Variants in NR2C2 observed in about 807,000 individuals in gnomAD.
NR2C2 encodes nuclear receptor subfamily 2 group C member 2.
NR2C2 carries 6 observed loss-of-function variants against 62.9 expected under a neutral mutation model. That is an observed-to-expected ratio of 0.10 (90% CI 0.05 to 0.19). NR2C2 has a LOEUF of 0.19. Among genes scored for constraint, NR2C2 ranks in the 10% least tolerant of loss-of-function variants. The pLI is 1.00. For missense variants in NR2C2, 479 were observed against 762.7 expected (o/e 0.63, Z 4.38); for synonymous variants, 272 against 273.8 (o/e 0.99, Z 0.07).
Position 15,030,351 on chromosome 3 carries a change from A to T in NR2C2, c.1009A>T (p.Thr337Ser). The change falls in exon 9 of 14, where the codon ACC (threonine) becomes TCC (serine). Residue 337 changes from threonine to serine, a missense_variant. Physicochemically the swap from Thr to Ser is moderately conservative, Grantham distance 58. Transcript: ENST00000425241. The stretch of plus-strand genomic sequence containing the variant: ...TCCAAGCTTGGCAGATGGGATAGAC[A>T]CCAGTGGAGGAGGGAGCATCCACGT... ...SSPSLADGID[T>S]SGGGSIHVIS... 1 of 1,613,512 alleles carries T rather than the reference A, an allele frequency of 6.2e-7. No individual in the cohort carries two copies. Among genetic ancestry groups the T allele is most frequent in the Non-Finnish European group, 8.5e-7 (1 of 1,179,840 alleles).
intron 7 of NR2C2, chr3:15,026,045 G>A (rs1263445963): frequency 2.0e-5 from 3 of 151,890 alleles, no homozygotes; most frequent in Non-Finnish European, 2.9e-5. Flanking sequence ...TTGAGACAGG[G>A]TCTTGCTCTG....
intron 2 of NR2C2, among the ~76,000 whole-genome samples, chr3:15,013,154 A>G (rs1317760691): frequency 1.3e-5 from 2 of 152,244 alleles, no homozygotes; most frequent in African/African-American, 2.4e-5. Flanking sequence ...ACCTAAGGCA[A>G]TATTATTTAC....
chr3:14,948,080 T>TCCCCG (rs1384410649), intron 1 of NR2C2, 174 bp downstream of exon 1: 9 of 150,358 alleles, frequency 6.0e-5, no homozygotes, highest in Non-Finnish European at 1.2e-4. Flanking sequence ...TCCCCTCCCC[T>TCCCCG]CCCCGCCCGC....
intron 1 of NR2C2, among the ~76,000 whole-genome samples, chr3:14,958,012 CATCT>C (rs1315309958): frequency 5.3e-5 from 8 of 152,182 alleles, no homozygotes; most frequent in African/African-American, 1.2e-4. Context: ...TCTTGTCATC[CATCT>C]GTCTTTCCTT....
chr3:15,031,400 C>T (rs1478355640), intron 9 of NR2C2, among the ~76,000 whole-genome samples: 1 of 151,258 alleles, frequency 6.6e-6, no homozygotes, highest in Non-Finnish European at 1.5e-5. Flanking sequence ...AATACATAGG[C>T]TGAAGCGTAG....
chr3:15,042,019 T>C (rs2042286515), intron 13 of NR2C2, among the ~76,000 whole-genome samples: 1 of 152,216 alleles, frequency 6.6e-6, no homozygotes, highest in Non-Finnish European at 1.5e-5. Context: ...CTCTTCTTCA[T>C]TTTCTATGGT....
intron 1 of NR2C2, among the ~76,000 whole-genome samples, chr3:14,991,918 C>G (rs894754631): frequency 6.6e-6 from 1 of 151,668 alleles, no homozygotes; most frequent in African/African-American, 2.4e-5. Context: ...TGCAGGCATG[C>G]GACACCACGC....
At chr3:14,995,669 G>A (rs574024724) in intron 1 of NR2C2, among the ~76,000 whole-genome samples, 1 of 50,266 alleles carries the variant, frequency 2.0e-5, no homozygotes, top group Admixed American at 1.7e-4. Context: ...TTTTCATTAC[G>A]TGTGTGTGTG....
chr3:15,004,413 G>C, intron 2 of NR2C2: 1 of 716,030 alleles, frequency 1.4e-6, no homozygotes, highest in South Asian at 3.6e-5. Flanking sequence ...TTATTATGAA[G>C]AATCAAAGGG....
chr3:14,953,063 G>A (rs1247531701), intron 1 of NR2C2, among the ~76,000 whole-genome samples: 3 of 152,182 alleles, frequency 2.0e-5, no homozygotes, highest in East Asian at 3.8e-4. Context: ...AGGATGGGAG[G>A]TGAATTGTTA....
Position 14,959,739 on chromosome 3 carries a change from G to C in NR2C2, c.-40+11833G>C, listed in dbSNP as rs558335597. ...CAGGAAGTTGGTGTGGGAGAACAAG[G>C]TGGGGGGCACTTGTCCTATCAGAGA... is the stretch of plus-strand genomic sequence containing the variant. On this transcript the variant is annotated intron_variant, in intron 1 of 13. Coordinates refer to ENST00000425241, the MANE Select transcript of NR2C2 (RefSeq NM_001291694.2). 17 of 152,322 alleles carry C rather than the reference G, an allele frequency of 1.1e-4. No homozygotes were observed. In the South Asian group the frequency reaches 3.1e-3, roughly 28 times the overall value. 9.4% of individuals were successfully genotyped at this position (152,322 alleles called of 1,614,324 possible).
intron 5 of NR2C2, among the ~76,000 whole-genome samples, chr3:15,022,301 T>C (rs2041689888): frequency 6.6e-6 from 1 of 152,146 alleles, no homozygotes; most frequent in African/African-American, 2.4e-5. Flanking sequence ...CAGACTTGAG[T>C]TGGAAATTAG....
intron 1 of NR2C2, among the ~76,000 whole-genome samples, chr3:14,961,716 T>C (rs2039691863): frequency 6.6e-6 from 1 of 152,244 alleles, no homozygotes; most frequent in Non-Finnish European, 1.5e-5. Flanking sequence ...GATCACTCTT[T>C]AGGTGATCTT....
At chr3:15,000,326 G>A (rs2040953641) in intron 1 of NR2C2, among the ~76,000 whole-genome samples, 1 of 152,110 alleles carries the variant, frequency 6.6e-6, no homozygotes, top group Non-Finnish European at 1.5e-5. Context: ...TTCCATCCGT[G>A]TCATCAGAAA....
chr3:14,979,404 C>G (rs962202916), intron 1 of NR2C2, among the ~76,000 whole-genome samples: 4 of 152,092 alleles, frequency 2.6e-5, no homozygotes, highest in Admixed American at 2.0e-4. Context: ...TTATAGTTTT[C>G]AAGATAAATA....
At chr3:15,033,174 T>A (rs2042022465) in intron 10 of NR2C2, among the ~76,000 whole-genome samples, 1 of 152,184 alleles carries the variant, frequency 6.6e-6, no homozygotes. Flanking sequence ...GTAACCATCC[T>A]TAGGTAATAT....
chr3:14,977,086 C>G (rs2040228689), intron 1 of NR2C2, among the ~76,000 whole-genome samples: 1 of 152,108 alleles, frequency 6.6e-6, no homozygotes, highest in Non-Finnish European at 1.5e-5. Flanking sequence ...TTTCTAGTCT[C>G]TTTTCAGAAC....
At chr3:15,030,931 T>A (rs2041963251) in intron 9 of NR2C2, among the ~76,000 whole-genome samples, 1 of 152,246 alleles carries the variant, frequency 6.6e-6, no homozygotes, top group African/African-American at 2.4e-5. Context: ...AGAATGATAG[T>A]CCCATTATGA....
chr3:15,000,554 CCA>C (rs1230112303), intron 1 of NR2C2, among the ~76,000 whole-genome samples: 1 of 152,116 alleles, frequency 6.6e-6, no homozygotes, highest in Admixed American at 6.6e-5. Flanking sequence ...TTGCTGGATT[CCA>C]CACAGTTTTA....
Sources: gnomAD v4.1 joint callset for allele counts (sites outside exome capture counted in the v4.1 genomes callset) on GRCh38, gnomAD v4.1.1 for gene constraint, MANE v1.5 for transcripts, NCBI Gene and HGNC (gene_info 2026-07-23, HGNC 2026-07-21) for gene names.